RCOR1: variants seen among roughly 807,000 people sequenced by gnomAD.
The protein encoded by RCOR1 is REST corepressor 1.
Under a neutral mutation model 64.0 loss-of-function variants are expected in RCOR1, and 12 were observed. The observed-to-expected ratio is 0.19, with a 90% CI of 0.12 to 0.30. RCOR1 has a LOEUF of 0.30. Among genes scored for constraint, RCOR1 ranks in the 10% least tolerant of loss-of-function variants. The pLI, the probability that RCOR1 is intolerant of heterozygous loss-of-function variation, is 1.00. For missense variants in RCOR1, 502 were observed against 621.2 expected, an observed-to-expected ratio of 0.81 and a Z score of 2.04; for synonymous variants, 279 against 227.2, an observed-to-expected ratio of 1.23 and a Z score of -2.05.
chr14:102,670,559 G>C (rs1201815458), intron 2 of RCOR1, among the ~76,000 whole-genome samples: 1 of 151,640 alleles, frequency 6.6e-6, no homozygotes, highest in Non-Finnish European at 1.5e-5. Context: ...CAGTTTTCTT[G>C]TTCTGAATTT....
chr14:102,631,395 G>A lies in RCOR1; in HGVS notation c.361+38070G>A, dbSNP rs180824691. Among the ~76,000 whole-genome samples, 297 of 152,012 alleles carry A rather than the reference G, an allele frequency of 2.0e-3. 3 individuals are homozygous for A. Among genetic ancestry groups the A allele is most frequent in the African/African-American group, 6.7e-3 (279 of 41,470 alleles). On this transcript the variant is annotated intron_variant, in intron 2 of 11. Transcript: ENST00000262241. ...TTTTTTTTTTTTTTAAGTAGAGACGGGGTTTCACCGTGTTAGCCAGGATGG... is the reference window on the plus strand; with the variant it reads ...TTTTTTTTTTTTTTAAGTAGAGACGAGGTTTCACCGTGTTAGCCAGGATGG...
intron 2 of RCOR1, among the ~76,000 whole-genome samples, chr14:102,680,712 G>C (rs1272371731): frequency 2.0e-5 from 3 of 152,162 alleles, no homozygotes; most frequent in African/African-American, 7.2e-5. Context: ...GGCTGAGGCA[G>C]GAGAATTGCT....
At chr14:102,689,792 A>G (rs558175233) in intron 3 of RCOR1, among the ~76,000 whole-genome samples, 2 of 152,190 alleles carry the variant, frequency 1.3e-5, no homozygotes, top group African/African-American at 2.4e-5. Context: ...TGCCTGGGCT[A>G]GAGTGCAGTG....
chr14:102,661,994 C>T (rs1894833673), intron 2 of RCOR1, among the ~76,000 whole-genome samples: 1 of 152,060 alleles, frequency 6.6e-6, no homozygotes, highest in African/African-American at 2.4e-5. Flanking sequence ...TTCCTGACCT[C>T]AAGCAATCCT....
intron 2 of RCOR1, among the ~76,000 whole-genome samples, chr14:102,597,473 C>G (rs112437681): frequency 6.6e-6 from 1 of 151,080 alleles, no homozygotes; most frequent in Admixed American, 6.6e-5. Context: ...GGATTACAGA[C>G]GCACACCACC....
At chr14:102,682,733 T>C (rs1481738562) in intron 3 of RCOR1, among the ~76,000 whole-genome samples, 1 of 152,190 alleles carries the variant, frequency 6.6e-6, no homozygotes, top group Non-Finnish European at 1.5e-5. Flanking sequence ...ATACTGAGCA[T>C]TTTTTGAACC....
intron 2 of RCOR1, among the ~76,000 whole-genome samples, chr14:102,606,781 G>A (rs1268084879): frequency 6.6e-6 from 1 of 150,438 alleles, no homozygotes; most frequent in African/African-American, 2.5e-5. Flanking sequence ...GATTACAGGT[G>A]TGAGGCACTG....
chr14:102,593,200 C>T lies in RCOR1; in HGVS notation c.301+13C>T. ...GACGAGGAGCACGGTAGGTGGCAGC[C>T]GCCCCCGCGGCCCCGGGCCCCGCGC... On this transcript the variant is annotated intron_variant, in intron 1 of 11. Coordinates refer to ENST00000262241, the MANE Select transcript of RCOR1 (RefSeq NM_015156.4). 1.3e-6 allele frequency: 2 copies of T among 1,481,900 alleles called. No individual in the cohort carries two copies. Among genetic ancestry groups the T allele is most frequent in the Non-Finnish European group, 1.8e-6 (2 of 1,121,510 alleles). The allele number at this position is 1,481,900 out of a possible 1,614,324, so 91.8% of individuals were successfully genotyped here.
intron 2 of RCOR1, among the ~76,000 whole-genome samples, chr14:102,655,736 T>G (rs551291913): frequency 6.6e-6 from 1 of 152,218 alleles, no homozygotes; most frequent in South Asian, 2.1e-4. Flanking sequence ...GCGAATTGCC[T>G]GAGGTCAGGA....
chr14:102,705,906 A>G (rs1330881977), intron 4 of RCOR1, among the ~76,000 whole-genome samples: 7 of 152,152 alleles, frequency 4.6e-5, no homozygotes, highest in African/African-American at 1.7e-4. Flanking sequence ...ACTTGAGCTC[A>G]GGAGTTGGAG....
In RCOR1 at chr14:102,676,935, C is replaced by T. The variant is rs1444994395; in HGVS notation, c.362-4960C>T. 1.1e-3 allele frequency among the ~76,000 whole-genome samples: 103 copies of T among 96,296 alleles called. 2 individuals carry two copies. The highest frequency in any genetic ancestry group is 2.0e-3 in the South Asian group (5 of 2,496). 63.2% of individuals were successfully genotyped at this position (96,296 alleles called of 152,430 possible). A position where few individuals can be genotyped will look rare whatever the true frequency, so the allele number is the denominator to read the frequency against. ...CCCCCCACCTCCCTCCCGGACGGGGCGGCTGGCCGGGCAGAGGGGCTCCTC... is the reference window on the plus strand; with the variant it reads ...CCCCCCACCTCCCTCCCGGACGGGGTGGCTGGCCGGGCAGAGGGGCTCCTC... On this transcript the variant is annotated intron_variant, in intron 2 of 11. Transcript: ENST00000262241.
intron 2 of RCOR1, among the ~76,000 whole-genome samples, chr14:102,656,515 C>G (rs1224834942): frequency 6.6e-6 from 1 of 152,008 alleles, no homozygotes; most frequent in East Asian, 1.9e-4. Context: ...CACTCTGTCA[C>G]CCAGGCTGGA....
intron 11 of RCOR1, among the ~76,000 whole-genome samples, chr14:102,724,280 AC>A (rs1896220817): frequency 6.6e-6 from 1 of 151,560 alleles, no homozygotes; most frequent in Admixed American, 6.6e-5. Context: ...CCCTTTACAA[AC>A]TTTTTCACTC....
intron 2 of RCOR1, chr14:102,655,114 T>C (rs930743709): frequency 1.7e-3 from 321 of 192,470 alleles, no homozygotes; most frequent in African/African-American, 9.4e-3. Context: ...GACAACCTTT[T>C]TTTTTTTTTT....
chr14:102,678,057 G>C (rs1211125853), intron 2 of RCOR1, among the ~76,000 whole-genome samples: 4 of 151,276 alleles, frequency 2.6e-5, no homozygotes, highest in South Asian at 2.1e-4. Context: ...ACGAAAACCA[G>C]TCAGGCGTGG....
chr14:102,624,194 T>C (rs1270569508), intron 2 of RCOR1, among the ~76,000 whole-genome samples: 1 of 142,414 alleles, frequency 7.0e-6, no homozygotes, highest in African/African-American at 2.6e-5. Context: ...AGACTCCGTC[T>C]CACATAAATA....
At chr14:102,667,072 A>G (rs1894928484) in intron 2 of RCOR1, among the ~76,000 whole-genome samples, 1 of 152,168 alleles carries the variant, frequency 6.6e-6, no homozygotes, top group Non-Finnish European at 1.5e-5. Context: ...ACGGTGGCTC[A>G]TGCCCATAAT....
At chr14:102,692,756 C>CCTTCCTTCCTTCT (rs1895562457) in intron 3 of RCOR1, among the ~76,000 whole-genome samples, 1 of 123,936 alleles carries the variant, frequency 8.1e-6, no homozygotes, top group Non-Finnish European at 1.7e-5. Flanking sequence ...TTCCTTCCTT[C>CCTTCCTTCCTTCT]TTTTTCTTTT....
intron 2 of RCOR1, among the ~76,000 whole-genome samples, chr14:102,653,929 TTCTTTCTTTCTTTCTTTCTTTCTTTC>T (rs1894649472): frequency 8.5e-5 from 2 of 23,450 alleles, no homozygotes; most frequent in Non-Finnish European, 1.6e-4. Flanking sequence ...CCTTCTTTCT[TTCTTTCTTTCTTTCTTTCTTTCTTTC>T]TTTCTTTCTT....
Sources: allele counts gnomAD v4.1 joint callset (sites outside exome capture counted in the v4.1 genomes callset), GRCh38; gene constraint gnomAD v4.1.1; transcripts MANE v1.5; gene names NCBI Gene and HGNC (gene_info 2026-07-23, HGNC 2026-07-21).